Variants in NEB observed in about 807,000 individuals in gnomAD.
NEB encodes the protein nebulin.
In NEB, 512 loss-of-function variants were observed where a neutral mutation model predicts 952.2. The ratio of observed to expected loss-of-function variants is 0.54; its 90% CI spans 0.50 to 0.58. The LOEUF is 0.58. Ranked by LOEUF, NEB falls within the 20% of genes least tolerant of loss-of-function variation. The pLI, the probability that NEB is intolerant of heterozygous loss-of-function variation, is 0.00. For synonymous variants in NEB, 2,900 were observed against 3,149.8 expected, an observed-to-expected ratio of 0.92 and a Z score of 2.66; for missense variants, 8,428 against 9,231.1, an observed-to-expected ratio of 0.91 and a Z score of 3.56.
In NEB at chr2:151,540,771, T is replaced by C; in HGVS notation, c.20713A>G (p.Arg6905Gly). The change falls in exon 137 of 182, where the codon AGA (arginine) becomes GGA (glycine). Residue 6905 changes from arginine to glycine, a missense_variant. By Grantham distance (125) the Arg-to-Gly change is moderately radical (BLOSUM62 -2). Coordinates refer to ENST00000397345, the MANE Select transcript of NEB (RefSeq NM_001164508.2). ...TGGTTTCCAGCGTGATGATGGGGTC[T>C]CTCTTTGGTGGCAAGTTCAACATAC... The part of the protein sequence containing the change: ...YLYVELATKE[R>G]PHHHAGNQTT... 1.2e-6 allele frequency: 2 copies of C among 1,613,578 alleles called. No individual in the cohort carries two copies. Among genetic ancestry groups the C allele is most frequent in the Non-Finnish European group, 1.7e-6 (2 of 1,179,598 alleles).
chr2:151,685,093 T>C (rs1157028902), intron 27 of NEB, 118 bp from the exon 28 acceptor site: 12 of 1,107,194 alleles, frequency 1.1e-5, no homozygotes, highest in Non-Finnish European at 1.5e-5. Flanking sequence ...TCTGAGTAGT[T>C]ATTTTGCCCA....
chr2:151,547,598 G>GTC, intron 132 of NEB, 36 bp downstream of exon 132: 1 of 1,606,322 alleles, frequency 6.2e-7, no homozygotes, highest in East Asian at 2.2e-5. Context: ...TTCATCCCTA[G>GTC]TCTCTACTCC....
chr2:151,490,362 G>T lies in NEB; in HGVS notation c.25297+10C>A. ...GTGGGACTGCCAAAATCAGCGCCAG[G>T]CACTTGTACCTGTTGAGACTGCAAA... On this transcript the variant is annotated intron_variant, in intron 180 of 181. Transcript: ENST00000397345. 6.3e-7 allele frequency: 1 copy of T among 1,585,670 alleles called. No individual in the cohort carries two copies. Among genetic ancestry groups the T allele is most frequent in the Non-Finnish European group, 8.6e-7 (1 of 1,164,782 alleles).
At position 151,565,751 on chromosome 2, in the gene NEB, C is replaced by G. The variant is rs747222372; in HGVS notation, c.18226G>C (p.Val6076Leu). Residue 6076 changes from valine to leucine, a missense_variant, in exon 115 of 182, where the codon GTA (valine) becomes CTA (leucine). Val to Leu is a conservative substitution (Grantham distance 32). Coordinates refer to ENST00000397345, the MANE Select transcript of NEB (RefSeq NM_001164508.2). ...ATTTCCTGGTTCTTAGTAACCCTTA[C>G]ATGGTCCACAGAATCCAGTGGGATC... ...GWIPLDSVDH[V>L]RVTKNQEMMS... is the part of the protein sequence containing the mutation. 1.9e-6 allele frequency: 3 copies of G among 1,612,514 alleles called. No homozygotes were observed. The African/African-American group carries it at 4.0e-5, about 22-fold the overall frequency.
chr2:151,669,925 A>G (rs926826437), intron 38 of NEB, among the ~76,000 whole-genome samples: 1 of 152,174 alleles, frequency 6.6e-6, no homozygotes, highest in African/African-American at 2.4e-5. Flanking sequence ...TTGAGAGCAG[A>G]CTGGCTGAGA....
chr2:151,562,160 C>T lies in NEB; in HGVS notation c.18946G>A (p.Asp6316Asn), dbSNP rs267598921. The change falls in exon 121 of 182, where the codon GAT (aspartate) becomes AAT (asparagine). Residue 6316 changes from aspartate (D) to asparagine (N), a missense_variant. Asp to Asn is a conservative substitution (Grantham distance 23). Transcript: ENST00000397345. ...TTGGCATGGAGGATTTGGGGTGTAT[C>T]CCAAACGTAGCAACCAATGCCTTTC... ...WLKGIGCYVW[D>N]TPQILHAKKS... 1 of 1,613,584 alleles carries T rather than the reference C, an allele frequency of 6.2e-7. No homozygotes were observed. The highest frequency in any genetic ancestry group is 8.5e-7 in the Non-Finnish European group (1 of 1,179,620).
At chr2:151,706,575 A>C (rs2099707221) in intron 13 of NEB, among the ~76,000 whole-genome samples, 1 of 152,166 alleles carries the variant, frequency 6.6e-6, no homozygotes, top group Admixed American at 6.5e-5. Context: ...ACACGTCTGC[A>C]ATGTGGAGAC....
chr2:151,537,662 G>C (rs1040073267), intron 140 of NEB, among the ~76,000 whole-genome samples: 1 of 152,118 alleles, frequency 6.6e-6, no homozygotes, highest in African/African-American at 2.4e-5. Context: ...ATACATTTAG[G>C]AGAAAAATGA....
At chr2:151,520,071 C>A in intron 153 of NEB, 1 of 202,310 alleles carries the variant, frequency 4.9e-6, no homozygotes, top group South Asian at 1.4e-4. Context: ...AGGCTTCAGG[C>A]TAAATTCAGA....
chr2:151,651,991 T>C (rs1211599606), intron 52 of NEB, among the ~76,000 whole-genome samples: 3 of 151,938 alleles, frequency 2.0e-5, no homozygotes, highest in Non-Finnish European at 2.9e-5. Flanking sequence ...AAATTACAAA[T>C]AGAATGATCA....
At position 151,620,347 on chromosome 2, in the gene NEB, GTATATATATATA is replaced by G. The variant is rs71000481; in HGVS notation, c.10560+560_10560+571del. On this transcript the variant is annotated intron_variant, in intron 72 of 181. Transcript: ENST00000397345. The stretch of plus-strand genomic sequence containing the variant: ...TTATTATATATATATGTATGTGTGT[GTATATATATATA>G]TATATATATATATATATATATATAT... 1.9e-3 allele frequency among the ~76,000 whole-genome samples: 94 copies of G among 48,464 alleles called. 1 individual carries two copies. Among genetic ancestry groups the G allele is most frequent in the Middle Eastern group, 0.017 (1 of 60 alleles). 31.8% of individuals were successfully genotyped at this position (48,464 alleles called of 152,430 possible).
chr2:151,554,949 A>C lies in NEB; in HGVS notation c.19410T>G (p.Val6470=), dbSNP rs757051537. The change falls in exon 125 of 182, where the codon GTT becomes GTG. Residue 6470 remains valine, a synonymous_variant. Transcript: ENST00000397345. ...DDPNTARCLR[V]GKLNIDRLYR... ...TACTTACATCGATGTTAAGCTTGCC[A>C]ACTCGGAGGCACCGTGCTGTGTTCG... 6.2e-7 allele frequency: 1 copy of C among 1,613,568 alleles called. No individual in the cohort carries two copies. Among genetic ancestry groups the C allele is most frequent in the Non-Finnish European group, 8.5e-7 (1 of 1,179,506 alleles).
Position 151,663,797 on chromosome 2 carries a change from T to C in NEB, c.5514A>G (p.Glu1838=). Reference sequence around the variant, plus strand: ...TGAAGTGCACCAGCTTGGGGTCATCTTCCAGGCTCCGGAAGCCAATGTGTT... The same window carrying C: ...TGAAGTGCACCAGCTTGGGGTCATCCTCCAGGCTCCGGAAGCCAATGTGTT... The part of the protein sequence containing the change: ...KGKHIGFRSL[E]DDPKLVHFMQ... Residue 1838 remains glutamate (E), a synonymous_variant, in exon 45 of 182, where the codon GAA becomes GAG. Transcript: ENST00000397345. 2 of 1,613,882 alleles carry C rather than the reference T, an allele frequency of 1.2e-6. No homozygotes were observed. The highest frequency in any genetic ancestry group is 2.2e-5 in the South Asian group (2 of 91,084).
chr2:151,619,327 A>C, intron 73 of NEB, 124 bp downstream of exon 73: 1 of 1,111,262 alleles, frequency 9.0e-7, no homozygotes, highest in East Asian at 2.4e-5. Context: ...AACTCCTTTC[A>C]GACATTTAAT....
intron 131 of NEB, among the ~76,000 whole-genome samples, 175 bp from the exon 132 acceptor site, chr2:151,547,913 G>C (rs939138882): frequency 6.6e-6 from 1 of 152,182 alleles, no homozygotes; most frequent in African/African-American, 2.4e-5. Flanking sequence ...TTTAGGTGAA[G>C]AATTCTGAGC....
chr2:151,678,378 C>A (rs2099388724), intron 32 of NEB, among the ~76,000 whole-genome samples, 191 bp from the exon 33 acceptor site: 1 of 152,060 alleles, frequency 6.6e-6, no homozygotes, highest in African/African-American at 2.4e-5. Context: ...ATTATGGAAC[C>A]CATTTGATTG....
chr2:151,507,423 C>T (rs552701643), intron 162 of NEB, among the ~76,000 whole-genome samples: 17 of 152,246 alleles, frequency 1.1e-4, no homozygotes, highest in Non-Finnish European at 2.2e-4. Context: ...CTGTTTTTTC[C>T]TGAAGCAGAT....
rs1327295976 is a variant in NEB at position 151,514,428 on chromosome 2, TC to T, written c.23017-1del. On this transcript the variant is annotated splice_acceptor_variant, in intron 158 of 181. Coordinates refer to ENST00000397345, the MANE Select transcript of NEB (RefSeq NM_001164508.2). LOFTEE classifies it high-confidence loss of function. ...TCCTCTAGATCTTTCCTGTACTCTT[TC>T]TATATCATGAAAGAAAAGCAACAAC... 1 of 1,600,516 alleles carries T rather than the reference TC, an allele frequency of 6.2e-7. No homozygotes were observed. The highest frequency in any genetic ancestry group is 8.6e-7 in the Non-Finnish European group (1 of 1,167,672).
At position 151,724,341 on chromosome 2, in the gene NEB, T is replaced by G; in HGVS notation, c.531A>C (p.Glu177Asp). ...VSKVLYKQNW[E>D]DTKDKYLLPP... ...GAAGCAGGTACTTATCCTTGGTGTCTTCCCAGTTCTGCTTGTATAAAACCT... is the reference window on the plus strand; with the variant it reads ...GAAGCAGGTACTTATCCTTGGTGTCGTCCCAGTTCTGCTTGTATAAAACCT... The change falls in exon 8 of 182, where the codon GAA (glutamate) becomes GAC (aspartate). Residue 177 changes from glutamate to aspartate, a missense_variant. Glu to Asp is a conservative substitution (Grantham distance 45, BLOSUM62 2). This residue lies in a region of NEB where 2,851 missense variants were observed against 2,791.5 expected (regional missense o/e 1.02). Coordinates refer to ENST00000397345, the MANE Select transcript of NEB (RefSeq NM_001164508.2). 6.2e-7 allele frequency: 1 copy of G among 1,612,124 alleles called. No individual in the cohort carries two copies. The highest frequency in any genetic ancestry group is 1.1e-5 in the South Asian group (1 of 90,568).
Sources: gnomAD v4.1 joint callset for allele counts (sites outside exome capture counted in the v4.1 genomes callset) on GRCh38, gnomAD v4.1.1 for gene constraint, gnomAD v4.1.1 regional missense constraint, MANE v1.5 for transcripts, NCBI Gene and HGNC (gene_info 2026-07-23, HGNC 2026-07-21) for gene names.